NEU4: variants seen among roughly 807,000 people sequenced by gnomAD.
The protein encoded by NEU4 is sialidase-4.
A neutral mutation model predicts 9.9 loss-of-function variants in NEU4; 7 were observed. That is an observed-to-expected ratio of 0.71 (90% CI 0.40 to 1.33). The LOEUF is 1.33. Among genes scored for constraint, NEU4 ranks in the 40% most tolerant of loss-of-function variants. The pLI is 0.01. For missense variants in NEU4, 717 were observed against 712.6 expected, an observed-to-expected ratio of 1.01 and a Z score of -0.07; for synonymous variants, 348 against 316.9, an observed-to-expected ratio of 1.10 and a Z score of -1.04.
rs200948491 is a variant in NEU4, at chr2:241,814,524, G to A, written c.40G>A (p.Glu14Lys). ...PRTPSRTVLF[E>K]RERTGLTYRV... The stretch of plus-strand genomic sequence containing the variant: ...TACCCCTTCACGGACAGTGCTCTTC[G>A]AGCGGGAGAGGACGGGCCTGACCTA... Residue 14 changes from glutamate to lysine, a missense_variant, in exon 2 of 4, where the codon GAG (glutamate) becomes AAG (lysine). Coordinates refer to ENST00000407683, the MANE Select transcript of NEU4 (RefSeq NM_001167600.3). The A allele has an allele frequency of 2.3e-5, 37 of 1,610,978 alleles. No homozygotes were observed. The highest frequency in any genetic ancestry group is 1.6e-4 in the Middle Eastern group (1 of 6,074).
Position 241,816,085 on chromosome 2 carries a change from T to C in NEU4, c.492T>C (p.Gly164=), listed in dbSNP as rs36111671. The C allele has an allele frequency of 0.76, 1,223,285 of 1,608,364 alleles. 467,369 individuals are homozygous for C. Among genetic ancestry groups the C allele is most frequent in the African/African-American group, 0.85 (63,427 of 74,920 alleles). Residue 164 remains glycine (G), a synonymous_variant, in exon 4 of 4, where the codon GGT becomes GGC. Coordinates refer to ENST00000407683, the MANE Select transcript of NEU4 (RefSeq NM_001167600.3). The stretch of plus-strand genomic sequence containing the variant: ...CATTCGCTGTGGGTCCCGGCCACGG[T>C]GTGCAGCTGCCCTCAGGCCGCCTGC... ...WATFAVGPGH[G]VQLPSGRLLV... is the part of the protein sequence containing the mutation.
intron 1 of NEU4, chr2:241,814,180 C>T (rs1700222963): frequency 4.7e-6 from 3 of 640,694 alleles, no homozygotes; most frequent in Non-Finnish European, 8.9e-6. Flanking sequence ...GCCTCCCCTG[C>T]ACCCTGGCAC....
chr2:241,810,348 AC>A (rs990746671), intron 1 of NEU4: 17 of 149,092 alleles, frequency 1.1e-4, no homozygotes, highest in African/African-American at 4.4e-4. Flanking sequence ...GCTGGGGCCC[AC>A]CCCTCCTGCT....
chr2:241,815,059 C>T lies in NEU4; in HGVS notation c.369C>T (p.Arg123=). ...VQIATGRNAA[R]LCCVASRDAG... ...TCGCCACGGGAAGGAACGCCGCGCG[C>T]CTCTGCTGTGTGGCCAGCCGTGACG... Residue 123 remains arginine (R), a synonymous_variant, in exon 3 of 4, where the codon CGC becomes CGT. Coordinates refer to ENST00000407683, the MANE Select transcript of NEU4 (RefSeq NM_001167600.3). 1 of 1,586,742 alleles carries T rather than the reference C, an allele frequency of 6.3e-7. No individual in the cohort carries two copies. The highest frequency in any genetic ancestry group is 8.5e-7 in the Non-Finnish European group (1 of 1,173,432).
chr2:241,813,245 C>T, intron 1 of NEU4: 1 of 852,596 alleles, frequency 1.2e-6, no homozygotes, highest in Non-Finnish European at 1.4e-6. Flanking sequence ...CGTGGGTGTG[C>T]ATGGGTCCCC....
chr2:241,811,328 T>G (rs1486749337), intron 1 of NEU4: 2 of 1,383,740 alleles, frequency 1.4e-6, no homozygotes, highest in African/African-American at 3.0e-5. Flanking sequence ...CGTGGGAGTG[T>G]CCAGGGTCCT....
At position 241,816,141 on chromosome 2, in the gene NEU4, G is replaced by T. The variant is rs200811936; in HGVS notation, c.548G>T (p.Arg183Leu). Reference protein sequence around the residue: ...LVPAYTYRVDRRECFGKICRT... With the variant: ...LVPAYTYRVDLRECFGKICRT... ...CCCGCCTACACCTACCGCGTGGACCGCCGAGAGTGTTTTGGCAAGATCTGC... is the reference window on the plus strand; with the variant it reads ...CCCGCCTACACCTACCGCGTGGACCTCCGAGAGTGTTTTGGCAAGATCTGC... The change falls in exon 4 of 4, where the codon CGC becomes CTC. Residue 183 changes from arginine (R) to leucine (L), a missense_variant. Physicochemically the swap from Arg to Leu is moderately radical, Grantham distance 102. Coordinates refer to ENST00000407683, the MANE Select transcript of NEU4 (RefSeq NM_001167600.3). The T allele has an allele frequency of 6.2e-7, 1 of 1,612,266 alleles. No homozygotes were observed. The highest frequency in any genetic ancestry group is 8.5e-7 in the Non-Finnish European group (1 of 1,179,772).
Position 241,816,345 on chromosome 2 carries a change from C to T in NEU4, c.752C>T (p.Ala251Val), listed in dbSNP as rs758765324. 45 of 1,582,162 alleles carry T rather than the reference C, an allele frequency of 2.8e-5. No homozygotes were observed. The highest frequency in any genetic ancestry group is 7.0e-5 in the East Asian group (3 of 43,106). ...AGCCCACTGGGCAGCCGTGTGCAGG[C>T]GCTCAGCACTGACGAGGGCACCTCC... ...ARSPLGSRVQ[A>V]LSTDEGTSFL... is the part of the protein sequence containing the mutation. Residue 251 changes from alanine (A) to valine (V), a missense_variant, in exon 4 of 4, where the codon GCG becomes GTG. Physicochemically the swap from Ala to Val is moderately conservative, Grantham distance 64. Transcript: ENST00000407683.
In NEU4 at chr2:241,816,493, C is replaced by T. The variant is rs764542927; in HGVS notation, c.900C>T (p.Pro300=). ...GGGATGACAGTTGGTCAGTGGGCCC[C>T]GGGAGTCCCCTCCAGCCTCCACTCC... is the stretch of plus-strand genomic sequence containing the variant. The part of the protein sequence containing the change: ...RPRDDSWSVG[P]GSPLQPPLLG... Residue 300 remains proline, a synonymous_variant, in exon 4 of 4, where the codon CCC becomes CCT. Coordinates refer to ENST00000407683, the MANE Select transcript of NEU4 (RefSeq NM_001167600.3). 55 of 1,609,822 alleles carry T rather than the reference C, an allele frequency of 3.4e-5. 1 individual carries two copies. In the Middle Eastern group the frequency reaches 4.8e-3, roughly 140 times the overall value.
chr2:241,815,107 C>T lies in NEU4; in HGVS notation c.417C>T (p.Ala139=). 6.3e-7 allele frequency: 1 copy of T among 1,576,538 alleles called. No homozygotes were observed. The highest frequency in any genetic ancestry group is 1.1e-5 in the South Asian group (1 of 88,502). The change falls in exon 3 of 4, where the codon GCC becomes GCT. Residue 139 remains alanine, a synonymous_variant. Coordinates refer to ENST00000407683, the MANE Select transcript of NEU4 (RefSeq NM_001167600.3). The stretch of plus-strand genomic sequence containing the variant: ...ACGCCGGCCTCTCGTGGGGCAGCGC[C>T]CGGGACCTCACCGAGGAGGCCATCG... ...SRDAGLSWGS[A]RDLTEEAIGG... is the part of the protein sequence containing the mutation.
chr2:241,814,675 G>T lies in NEU4; in HGVS notation c.191G>T (p.Gly64Val). Residue 64 changes from glycine to valine, a missense_variant, in exon 2 of 4, where the codon GGC becomes GTC. Coordinates refer to ENST00000407683, the MANE Select transcript of NEU4 (RefSeq NM_001167600.3). ...LVLRRGTLAG[G>V]SVRWGALHVL... ...CTGAGGAGGGGCACGCTGGCCGGGG[G>T]CTCCGTGCGGGTGAGTGAGTGGCCG... is the stretch of plus-strand genomic sequence containing the variant. 3 of 1,552,626 alleles carry T rather than the reference G, an allele frequency of 1.9e-6. No homozygotes were observed. Among genetic ancestry groups the T allele is most frequent in the Non-Finnish European group, 1.7e-6 (2 of 1,151,276 alleles).
Position 241,816,793 on chromosome 2 carries a change from G to A in NEU4, c.1200G>A (p.Pro400=), listed in dbSNP as rs780980084. The part of the protein sequence containing the change: ...LHMGIRLSQS[P]LDPRSWTEPW... ...TGGGTATCCGCCTGAGCCAGTCCCC[G>A]CTGGACCCGCGCAGCTGGACAGAGC... is the stretch of plus-strand genomic sequence containing the variant. Residue 400 remains proline (P), a synonymous_variant, in exon 4 of 4, where the codon CCG becomes CCA. Transcript: ENST00000407683. 15 of 1,598,212 alleles carry A rather than the reference G, an allele frequency of 9.4e-6. No homozygotes were observed. Among genetic ancestry groups the A allele is most frequent in the African/African-American group, 8.0e-5 (6 of 74,554 alleles).
chr2:241,814,386 T>G (rs1700229083), intron 1 of NEU4, 96 bp from the exon 2 acceptor site: 2 of 1,196,822 alleles, frequency 1.7e-6, no homozygotes, highest in Admixed American at 2.0e-5. Context: ...AGGAGCTGTC[T>G]GCACCTCCTG....
intron 3 of NEU4, chr2:241,815,657 C>T: frequency 1.9e-6 from 1 of 520,212 alleles, no homozygotes; most frequent in Admixed American, 2.5e-5. Context: ...GGCCAGGCCT[C>T]ACCCACAACT....
At chr2:241,814,140 G>A in intron 1 of NEU4, 2 of 619,158 alleles carry the variant, frequency 3.2e-6, no homozygotes, top group Non-Finnish European at 6.2e-6. Flanking sequence ...TGGGCACATG[G>A]CTGGCAGGGT....
At chr2:241,815,494 C>G (rs1700295860) in intron 3 of NEU4, 2 of 526,392 alleles carry the variant, frequency 3.8e-6, no homozygotes, top group African/African-American at 3.9e-5. Context: ...CCCTCTATGG[C>G]TGACCCGACT....
In NEU4 at chr2:241,816,859, G is replaced by A. The variant is rs1052719885; in HGVS notation, c.1266G>A (p.Leu422=). ...AGGGCCCCAGCGGCTACTCCGACCT[G>A]GCGTCCATCGGGCCGGCCCCTGAGG... ...IYEGPSGYSD[L]ASIGPAPEGG... The change falls in exon 4 of 4, where the codon CTG becomes CTA. Residue 422 remains leucine, a synonymous_variant. Transcript: ENST00000407683. The A allele has an allele frequency of 6.2e-7, 1 of 1,612,134 alleles. No individual in the cohort carries two copies. The highest frequency in any genetic ancestry group is 8.5e-7 in the Non-Finnish European group (1 of 1,179,718).
rs766771240 is a variant in NEU4 at position 241,814,517 on chromosome 2, G to A, written c.33G>A (p.Val11=). The change falls in exon 2 of 4, where the codon GTG becomes GTA. Residue 11 remains valine (V), a synonymous_variant. Transcript: ENST00000407683. The part of the protein sequence containing the change: MGVPRTPSRT[V]LFERERTGLT... ...TCCCTCGTACCCCTTCACGGACAGT[G>A]CTCTTCGAGCGGGAGAGGACGGGCC... The A allele has an allele frequency of 1.2e-6, 2 of 1,611,214 alleles. No individual in the cohort carries two copies. Among genetic ancestry groups the A allele is most frequent in the Admixed American group, 1.7e-5 (1 of 59,984 alleles).
Position 241,815,779 on chromosome 2 carries a change from C to T in NEU4, c.458-272C>T. On this transcript the variant is annotated intron_variant, in intron 3 of 3. Coordinates refer to ENST00000407683, the MANE Select transcript of NEU4 (RefSeq NM_001167600.3). Reference sequence around the variant, plus strand: ...GGACCCCACTGCAGGGCCTCATGCCCCCCGCCTGCCCTCCGCTCTCTCTGT... The same window carrying T: ...GGACCCCACTGCAGGGCCTCATGCCTCCCGCCTGCCCTCCGCTCTCTCTGT... The T allele has an allele frequency of 5.1e-6, 3 of 588,500 alleles. No individual in the cohort carries two copies. The South Asian group carries it at 6.0e-5, about 12-fold the overall frequency. 36.5% of individuals were successfully genotyped at this position (588,500 alleles called of 1,614,324 possible). A position where few individuals can be genotyped will look rare whatever the true frequency, so the allele number is the denominator to read the frequency against.
Sources: allele counts gnomAD v4.1 joint callset, GRCh38; gene constraint gnomAD v4.1.1; transcripts MANE v1.5; gene names NCBI Gene and HGNC (gene_info 2026-07-23, HGNC 2026-07-21).